The following VPS13B variants were observed in gnomAD, a reference collection of about 807,000 sequenced individuals.
The protein encoded by VPS13B is intermembrane lipid transfer protein VPS13B.
A neutral mutation model predicts 426.4 loss-of-function variants in VPS13B; 285 were observed. The ratio of observed to expected loss-of-function variants is 0.67; its 90% CI spans 0.61 to 0.74. The LOEUF (loss-of-function observed/expected upper bound fraction) is 0.74. VPS13B is among the 30% of genes least tolerant of loss of function. The pLI, the probability that VPS13B is intolerant of heterozygous loss-of-function variation, is 0.00. For missense variants in VPS13B, 4,537 were observed against 4,782.6 expected, an observed-to-expected ratio of 0.95 and a Z score of 1.51; for synonymous variants, 1,676 against 1,676.4, an observed-to-expected ratio of 1.00 and a Z score of 0.01.
chr8:99,748,755 T>C (rs1410986956), intron 39 of VPS13B, among the ~76,000 whole-genome samples: 1 of 152,068 alleles, frequency 6.6e-6, no homozygotes, highest in Non-Finnish European at 1.5e-5. Context: ...GTTTGCAAAC[T>C]ATATACTCAG....
At chr8:99,288,607 T>C (rs1212655830) in intron 19 of VPS13B, among the ~76,000 whole-genome samples, 1 of 152,062 alleles carries the variant, frequency 6.6e-6, no homozygotes, top group East Asian at 1.9e-4. Flanking sequence ...GTGAATAAAA[T>C]ACCAAATTTT....
intron 39 of VPS13B, among the ~76,000 whole-genome samples, chr8:99,744,814 C>A (rs949203042): frequency 1.4e-5 from 2 of 140,220 alleles, no homozygotes; most frequent in African/African-American, 5.3e-5. Flanking sequence ...ACACCGGGGC[C>A]TGTTGTGGGG....
At position 99,858,319 on chromosome 8, in the gene VPS13B, C is replaced by T. The variant is rs150792104; in HGVS notation, c.10868-985C>T. ...TAAGGGCAGTGCCTGCCAGACTCCACGCACAGCCGCGTTCCCATGGGGCAG... is the reference window on the plus strand; with the variant it reads ...TAAGGGCAGTGCCTGCCAGACTCCATGCACAGCCGCGTTCCCATGGGGCAG... On this transcript the variant is annotated intron_variant, in intron 56 of 61. Coordinates refer to ENST00000357162, the MANE Select transcript of VPS13B (RefSeq NM_152564.5). Among the ~76,000 whole-genome samples the T allele has an allele frequency of 6.4e-4, 98 of 152,338 alleles. No homozygotes were observed. The East Asian group carries it at 0.016, about 25-fold the overall frequency.
Position 99,820,018 on chromosome 8 carries a change from G to A in VPS13B, c.8890G>A (p.Ala2964Thr). 1 of 1,613,966 alleles carries A rather than the reference G, an allele frequency of 6.2e-7. No individual in the cohort carries two copies. The highest frequency in any genetic ancestry group is 8.5e-7 in the Non-Finnish European group (1 of 1,179,914). Residue 2964 changes from alanine to threonine, a missense_variant, in exon 49 of 62, where the codon GCC becomes ACC. Physicochemically the swap from Ala to Thr is moderately conservative, Grantham distance 58 (BLOSUM62 0). Coordinates refer to ENST00000357162, the MANE Select transcript of VPS13B (RefSeq NM_152564.5). ...RTLLIELLPW[A>T]LLINESKWDL... is the part of the protein sequence containing the mutation. Reference sequence around the variant, plus strand: ...TTTGTTGATAGAACTTCTGCCCTGGGCCCTGCTTATCAATGAATCCAAATG... The same window carrying A: ...TTTGTTGATAGAACTTCTGCCCTGGACCCTGCTTATCAATGAATCCAAATG...
At chr8:99,279,559 A>T (rs766395267) in intron 19 of VPS13B, among the ~76,000 whole-genome samples, 1 of 151,394 alleles carries the variant, frequency 6.6e-6, no homozygotes, top group African/African-American at 2.4e-5. Flanking sequence ...CTGTGCCCAG[A>T]CTCCCTTGTC....
At chr8:99,847,537 G>A (rs1816046064) in intron 54 of VPS13B, among the ~76,000 whole-genome samples, 2 of 152,164 alleles carry the variant, frequency 1.3e-5, no homozygotes, top group Non-Finnish European at 2.9e-5. Context: ...GGTGAGTAGT[G>A]AGTGGCAGGC....
At chr8:99,829,589 ACTT>A (rs1264092661) in intron 51 of VPS13B, among the ~76,000 whole-genome samples, 1 of 152,062 alleles carries the variant, frequency 6.6e-6, no homozygotes, top group Non-Finnish European at 1.5e-5. Context: ...TTCTGAATCT[ACTT>A]CTGTCAATTT....
chr8:99,237,759 C>T lies in VPS13B; in HGVS notation c.2516-36439C>T, dbSNP rs79650320. Among the ~76,000 whole-genome samples, 1,417 of 151,866 alleles carry T rather than the reference C, an allele frequency of 9.3e-3. 8 individuals carry two copies. The highest frequency in any genetic ancestry group is 0.015 in the Non-Finnish European group (1,002 of 67,972). Reference sequence around the variant, plus strand: ...CACTAAAGATCTTATCCATGTGACCCGAACCACCTGTTCCCCCAAAATTAT... The same window carrying T: ...CACTAAAGATCTTATCCATGTGACCTGAACCACCTGTTCCCCCAAAATTAT... On this transcript the variant is annotated intron_variant, in intron 17 of 61. Transcript: ENST00000357162.
intron 19 of VPS13B, among the ~76,000 whole-genome samples, chr8:99,326,453 T>A (rs1467899966): frequency 1.5e-5 from 1 of 68,030 alleles, no homozygotes; most frequent in Admixed American, 1.6e-4. Flanking sequence ...TCTAGGTAGC[T>A]TTTTTTTTTT....
intron 25 of VPS13B, among the ~76,000 whole-genome samples, chr8:99,489,609 G>C (rs1047868674): frequency 6.6e-6 from 1 of 152,078 alleles, no homozygotes; most frequent in Non-Finnish European, 1.5e-5. Context: ...TCATTGAAGA[G>C]GTCCTTCCCA....
chr8:99,395,806 C>G (rs776741542), intron 21 of VPS13B, among the ~76,000 whole-genome samples: 1 of 152,060 alleles, frequency 6.6e-6, no homozygotes, highest in African/African-American at 2.4e-5. Context: ...ATAGAATTAG[C>G]AGGTATATTA....
At chr8:99,792,364 T>C (rs1812584857) in intron 43 of VPS13B, among the ~76,000 whole-genome samples, 1 of 152,212 alleles carries the variant, frequency 6.6e-6, no homozygotes, top group Non-Finnish European at 1.5e-5. Flanking sequence ...TTATCGGACA[T>C]GTACTCTAAA....
intron 5 of VPS13B, among the ~76,000 whole-genome samples, chr8:99,107,173 A>G (rs1340767183): frequency 6.6e-6 from 1 of 152,204 alleles, no homozygotes; most frequent in African/African-American, 2.4e-5. Context: ...AAAATATTGC[A>G]GTTAAAATAA....
At chr8:99,695,984 C>T (rs1372427584) in intron 35 of VPS13B, 1 of 152,492 alleles carries the variant, frequency 6.6e-6, no homozygotes, top group Non-Finnish European at 1.5e-5. Flanking sequence ...TGCCAACATC[C>T]TGGGGTTGAG....
intron 19 of VPS13B, among the ~76,000 whole-genome samples, chr8:99,358,382 G>A (rs1288314085): frequency 6.6e-6 from 1 of 152,146 alleles, no homozygotes; most frequent in Non-Finnish European, 1.5e-5. Flanking sequence ...CATTGGTAAA[G>A]GAGTCTTGAT....
intron 39 of VPS13B, among the ~76,000 whole-genome samples, chr8:99,756,642 A>G (rs1473099726): frequency 6.6e-6 from 1 of 152,234 alleles, no homozygotes; most frequent in Non-Finnish European, 1.5e-5. Flanking sequence ...CTGATTTCTC[A>G]TCAAAAGCCA....
chr8:99,662,282 C>T (rs1830260515), intron 35 of VPS13B, among the ~76,000 whole-genome samples: 1 of 152,044 alleles, frequency 6.6e-6, no homozygotes, highest in African/African-American at 2.4e-5. Context: ...GTTCTTCCCC[C>T]TCTTCTGTTA....
chr8:99,370,511 T>C (rs1212395880), intron 19 of VPS13B, among the ~76,000 whole-genome samples: 1 of 152,060 alleles, frequency 6.6e-6, no homozygotes, highest in Non-Finnish European at 1.5e-5. Flanking sequence ...TAATTTAGAT[T>C]GGTAAAGCAG....
At chr8:99,870,020 T>C (rs372036932) in intron 59 of VPS13B, among the ~76,000 whole-genome samples, 1 of 152,260 alleles carries the variant, frequency 6.6e-6, no homozygotes, top group African/African-American at 2.4e-5. Context: ...CATAAATGTA[T>C]ATGGATTCGT....
Sources: allele counts gnomAD v4.1 joint callset (sites outside exome capture counted in the v4.1 genomes callset), GRCh38; gene constraint gnomAD v4.1.1; transcripts MANE v1.5; gene names NCBI Gene and HGNC (gene_info 2026-07-23, HGNC 2026-07-21).